Variants in CSPP1 observed in about 807,000 individuals in gnomAD.
The protein encoded by CSPP1 is centrosome and spindle pole associated protein 1.
Under a neutral mutation model 164.4 loss-of-function variants are expected in CSPP1, and 126 were observed. The observed-to-expected ratio is 0.77, with a 90% confidence interval of 0.66 to 0.89. The LOEUF is 0.89. Ranked by LOEUF, CSPP1 falls within the 40% of genes least tolerant of loss-of-function variation. CSPP1 has a pLI of 0.00. For missense variants in CSPP1, 1,395 were observed against 1,449.8 expected (o/e 0.96, Z 0.61); for synonymous variants, 472 against 476.7 (o/e 0.99, Z 0.13).
At chr8:67,128,659 C>T (rs1820607189) in intron 15 of CSPP1, among the ~76,000 whole-genome samples, 1 of 151,872 alleles carries the variant, frequency 6.6e-6, no homozygotes, top group African/African-American at 2.4e-5. Flanking sequence ...GATACTTAAA[C>T]CTAATAAGAC....
intron 3 of CSPP1, among the ~76,000 whole-genome samples, chr8:67,076,893 T>C (rs1180305918): frequency 6.6e-6 from 1 of 152,138 alleles, no homozygotes; most frequent in Non-Finnish European, 1.5e-5. Context: ...AAACTTTTAT[T>C]TGTTGATTGA....
At position 67,196,034 on chromosome 8, in the gene CSPP1, G is replaced by A. The variant is rs1837873145; in HGVS notation, c.*441G>A. On this transcript the variant is annotated 3_prime_UTR_variant, in exon 31 of 31. Coordinates refer to ENST00000678616, the MANE Select transcript of CSPP1 (RefSeq NM_001382391.1). ...GTGATTATTCCAGTTTCTGTGTGAT[G>A]CAATCAAATGTCCTATTAATTAATT... 1 of 154,650 alleles carries A rather than the reference G, an allele frequency of 6.5e-6. No individual in the cohort carries two copies. The allele number at this position is 154,650 out of a possible 1,614,324, so 9.6% of individuals were successfully genotyped here.
intron 19 of CSPP1, 58 bp downstream of exon 19, chr8:67,154,194 C>A: frequency 1.2e-6 from 1 of 820,514 alleles, no homozygotes; most frequent in East Asian, 2.5e-5. Context: ...ACAAAACTTG[C>A]AAAGATTTTC....
intron 1 of CSPP1, among the ~76,000 whole-genome samples, chr8:67,069,490 T>C (rs757800466): frequency 1.1e-4 from 16 of 152,146 alleles, no homozygotes; most frequent in South Asian, 6.2e-4. Context: ...TAAGCATCTA[T>C]AAATTCAAGA....
rs868811323 is a variant in CSPP1 at position 67,111,862 on chromosome 8, A to G, written c.1094-110A>G. On this transcript the variant is annotated intron_variant, in intron 9 of 30. Coordinates refer to ENST00000678616, the MANE Select transcript of CSPP1 (RefSeq NM_001382391.1). ...ATTTTTTTCCTTCTGTATTTCTTGC[A>G]TATTAGTAATTATATGATACAATTA... 42 of 550,864 alleles carry G rather than the reference A, an allele frequency of 7.6e-5. No individual in the cohort carries two copies. The Middle Eastern group carries it at 7.6e-3, about 100-fold the overall frequency. The allele number at this position is 550,864 out of a possible 1,614,324, so 34.1% of individuals were successfully genotyped here.
rs13273866 is a variant in CSPP1 at position 67,064,557 on chromosome 8, T to C, written c.-11+19T>C. 4,645 of 1,589,864 alleles carry C rather than the reference T, an allele frequency of 2.9e-3. 11 individuals carry two copies. Among genetic ancestry groups the C allele is most frequent in the Non-Finnish European group, 3.5e-3 (4,141 of 1,170,542 alleles). Reference sequence around the variant, plus strand: ...TGGCGAGGTGTGGCCTGGGGTGGTGTAGGTTGAGGGTGGAGGGTCCTGGGG... The same window carrying C: ...TGGCGAGGTGTGGCCTGGGGTGGTGCAGGTTGAGGGTGGAGGGTCCTGGGG... On this transcript the variant is annotated intron_variant, in intron 1 of 30. Coordinates refer to ENST00000678616, the MANE Select transcript of CSPP1 (RefSeq NM_001382391.1).
At position 67,171,736 on chromosome 8, in the gene CSPP1, C is replaced by T. The variant is rs573632802; in HGVS notation, c.2829-680C>T. On this transcript the variant is annotated intron_variant, in intron 24 of 30. Coordinates refer to ENST00000678616, the MANE Select transcript of CSPP1 (RefSeq NM_001382391.1). ...CTAATATTTGTATTTTTAGTAGAGA[C>T]AGGGTTTCACCATTTTGGCCAGGCT... Among the ~76,000 whole-genome samples the T allele has an allele frequency of 4.6e-5, 7 of 152,110 alleles. No individual in the cohort carries two copies. In the South Asian group the frequency reaches 1.0e-3, roughly 23 times the overall value.
intron 24 of CSPP1, among the ~76,000 whole-genome samples, chr8:67,171,417 C>T (rs990102002): frequency 6.6e-6 from 1 of 151,878 alleles, no homozygotes; most frequent in Non-Finnish European, 1.5e-5. Context: ...GAGACAGGGT[C>T]TCCCTCTGTT....
intron 18 of CSPP1, among the ~76,000 whole-genome samples, chr8:67,151,018 C>G (rs1053467808): frequency 2.0e-5 from 3 of 151,604 alleles, no homozygotes; most frequent in African/African-American, 4.8e-5. Flanking sequence ...TGTTTTTAAC[C>G]CTTATTTTTG....
chr8:67,159,671 G>A (rs538494187), intron 21 of CSPP1, among the ~76,000 whole-genome samples: 1 of 150,766 alleles, frequency 6.6e-6, no homozygotes, highest in Non-Finnish European at 1.5e-5. Flanking sequence ...ACAGGCACAC[G>A]CCATCATGCC....
At chr8:67,076,437 G>T (rs1554555384) in intron 2 of CSPP1, 45 bp from the exon 3 acceptor site, 5 of 1,045,424 alleles carry the variant, frequency 4.8e-6, no homozygotes, top group Non-Finnish European at 6.9e-6. Flanking sequence ...ATATTTCATG[G>T]TTTTTTTTTT....
At chr8:67,080,212 A>C (rs747022243) in intron 3 of CSPP1, among the ~76,000 whole-genome samples, 2 of 152,220 alleles carry the variant, frequency 1.3e-5, no homozygotes, top group Non-Finnish European at 2.9e-5. Context: ...AATATAGGTC[A>C]GATTTGGAAA....
intron 3 of CSPP1, among the ~76,000 whole-genome samples, chr8:67,085,411 T>C (rs1810180232): frequency 6.6e-6 from 1 of 151,654 alleles, no homozygotes; most frequent in Admixed American, 6.6e-5. Flanking sequence ...AAGCAACACA[T>C]GGCCCTAATA....
At position 67,163,736 on chromosome 8, in the gene CSPP1, G is replaced by A; in HGVS notation, c.2648G>A (p.Ser883Asn). 6.2e-7 allele frequency: 1 copy of A among 1,612,352 alleles called. No individual in the cohort carries two copies. The highest frequency in any genetic ancestry group is 8.5e-7 in the Non-Finnish European group (1 of 1,179,006). The change falls in exon 23 of 31, where the codon AGT becomes AAT. Residue 883 changes from serine to asparagine, a missense_variant. Transcript: ENST00000678616. ...DSIIRSFIHE[S>N]SMSRAQSPPV... is the part of the protein sequence containing the mutation. ...TTTGTCATTATTGTTGAACAGGAAA[G>A]TTCCATGTCCAGGGCACAGTCACCC... is the stretch of plus-strand genomic sequence containing the variant.
Position 67,166,768 on chromosome 8 carries a change from G to A in CSPP1, c.2828+2260G>A, listed in dbSNP as rs563328598. 4.0e-5 allele frequency among the ~76,000 whole-genome samples: 6 copies of A among 149,552 alleles called. No homozygotes were observed. In the South Asian group the frequency reaches 1.1e-3, roughly 26 times the overall value. The stretch of plus-strand genomic sequence containing the variant: ...AATTGATCATTCTTGGGTGTTTCTC[G>A]CAGAGGGGGATTTTGTAGGGTCATA... On this transcript the variant is annotated intron_variant, in intron 24 of 30. Coordinates refer to ENST00000678616, the MANE Select transcript of CSPP1 (RefSeq NM_001382391.1).
At chr8:67,128,102 G>T (rs1335069222) in intron 15 of CSPP1, among the ~76,000 whole-genome samples, 1 of 151,698 alleles carries the variant, frequency 6.6e-6, no homozygotes, top group Admixed American at 6.6e-5. Flanking sequence ...ATATTTCTAG[G>T]GTAACCACTA....
chr8:67,145,815 G>C (rs1269274800), intron 17 of CSPP1, among the ~76,000 whole-genome samples: 1 of 152,000 alleles, frequency 6.6e-6, no homozygotes, highest in Non-Finnish European at 1.5e-5. Context: ...GAGCCACCGT[G>C]CCCAGCCCCC....
intron 15 of CSPP1, among the ~76,000 whole-genome samples, chr8:67,123,560 A>C (rs941541408): frequency 6.8e-6 from 1 of 146,478 alleles, no homozygotes; most frequent in Non-Finnish European, 1.5e-5. Context: ...TATATGTCTT[A>C]TGTCTTTTTA....
rs1294428066 is a variant in CSPP1 at position 67,064,480 on chromosome 8, C to T, written c.-69C>T. Reference sequence around the variant, plus strand: ...AGAGCACTGTGTGTCTCCCCGGACGCGAGCCCGCTCCCCTGAGTAAGAGTC... The same window carrying T: ...AGAGCACTGTGTGTCTCCCCGGACGTGAGCCCGCTCCCCTGAGTAAGAGTC... On this transcript the variant is annotated 5_prime_UTR_variant, in exon 1 of 31. The change creates a premature stop within an existing upstream ORF in the 5' untranslated region. Coordinates refer to ENST00000678616, the MANE Select transcript of CSPP1 (RefSeq NM_001382391.1). 7 of 1,613,874 alleles carry T rather than the reference C, an allele frequency of 4.3e-6. No homozygotes were observed. Among genetic ancestry groups the T allele is most frequent in the Non-Finnish European group, 5.1e-6 (6 of 1,179,904 alleles).
Sources: gnomAD v4.1 joint callset for allele counts (sites outside exome capture counted in the v4.1 genomes callset) on GRCh38, gnomAD v4.1.1 for gene constraint, MANE v1.5 for transcripts, NCBI Gene and HGNC (gene_info 2026-07-23, HGNC 2026-07-21) for gene names.